The following ANKIB1 variants were observed in gnomAD, a reference collection of about 807,000 sequenced individuals.
ANKIB1 encodes the protein ankyrin repeat and IBR domain containing 1.
Under a neutral mutation model 122.1 loss-of-function variants are expected in ANKIB1, and 43 were observed. That is an observed-to-expected ratio of 0.35 (90% CI 0.28 to 0.45). ANKIB1 has a LOEUF of 0.45. Ranked by LOEUF, ANKIB1 falls within the 20% of genes least tolerant of loss-of-function variation. The probability of loss-of-function intolerance (pLI) is 1.00; values close to 1 mark genes in which losing one functional copy is unlikely to be tolerated. For missense variants in ANKIB1, 992 were observed against 1,329.5 expected (o/e 0.75, Z 3.95); for synonymous variants, 390 against 442.0 (o/e 0.88, Z 1.48).
intron 3 of ANKIB1, among the ~76,000 whole-genome samples, chr7:92,309,962 T>TATATATAAA (rs1030276754): frequency 7.2e-6 from 1 of 139,430 alleles, no homozygotes; most frequent in African/African-American, 2.7e-5. Context: ...TATATATATA[T>TATATATAAA]AAATTAAATG....
intron 3 of ANKIB1, among the ~76,000 whole-genome samples, chr7:92,313,879 A>G (rs1307637909): frequency 6.6e-6 from 1 of 152,170 alleles, no homozygotes; most frequent in Non-Finnish European, 1.5e-5. Context: ...ACATACGCAG[A>G]TTGAAGTATT....
intron 9 of ANKIB1, 78 bp downstream of exon 9, chr7:92,352,720 G>C (rs1803693675): frequency 1.4e-6 from 2 of 1,422,726 alleles, no homozygotes; most frequent in African/African-American, 1.4e-5. Context: ...CCTTGAGTCA[G>C]GCCTTTAAAT....
intron 1 of ANKIB1, among the ~76,000 whole-genome samples, chr7:92,253,728 A>G (rs1801379221): frequency 1.3e-5 from 2 of 151,718 alleles, no homozygotes; most frequent in South Asian, 4.2e-4. Flanking sequence ...CTTACATAGT[A>G]TTTCATTGTG....
chr7:92,358,582 T>TCC (rs1277797838), intron 9 of ANKIB1, among the ~76,000 whole-genome samples: 2 of 116,904 alleles, frequency 1.7e-5, no homozygotes. Context: ...TGGGCTTTGT[T>TCC]CCCCCATGAT....
At chr7:92,303,139 A>G (rs1025146233) in intron 2 of ANKIB1, among the ~76,000 whole-genome samples, 1 of 152,208 alleles carries the variant, frequency 6.6e-6, no homozygotes, top group Non-Finnish European at 1.5e-5. Flanking sequence ...ATAGGATGAT[A>G]GAGCATTAAG....
At chr7:92,381,610 T>G (rs1307004878) in intron 11 of ANKIB1, among the ~76,000 whole-genome samples, 4 of 152,138 alleles carry the variant, frequency 2.6e-5, no homozygotes, top group Non-Finnish European at 4.4e-5. Flanking sequence ...GAAAAGAATT[T>G]TCAACCCAGA....
At chr7:92,267,641 C>T (rs888997486) in intron 1 of ANKIB1, among the ~76,000 whole-genome samples, 1 of 152,158 alleles carries the variant, frequency 6.6e-6, no homozygotes, top group African/African-American at 2.4e-5. Flanking sequence ...TTTTACCTTT[C>T]ACATATACAT....
chr7:92,307,641 G>GAA lies in ANKIB1; in HGVS notation c.473_474dup (p.Ala159LysfsTer4). 1.9e-6 allele frequency: 3 copies of GAA among 1,595,146 alleles called. No individual in the cohort carries two copies. Among genetic ancestry groups the GAA allele is most frequent in the Non-Finnish European group, 2.6e-6 (3 of 1,172,298 alleles). On this transcript the variant is annotated frameshift_variant, in exon 3 of 20. Transcript: ENST00000265742. LOFTEE classifies it high-confidence loss of function. ...TGCACTATGCTGCTGCCTCAGGGAT[G>GAA]AAAGCCTGTGTAGAGGTAAATTTTT...
chr7:92,253,678 T>G (rs1801378171), intron 1 of ANKIB1, among the ~76,000 whole-genome samples: 1 of 152,260 alleles, frequency 6.6e-6, no homozygotes. Flanking sequence ...ACACCTTTTT[T>G]TTTTACTTAT....
chr7:92,390,122 A>G lies in ANKIB1; in HGVS notation c.2052+6A>G. On this transcript the variant is annotated splice_donor_region_variant and intron_variant, in intron 15 of 19. Transcript: ENST00000265742. ...AAATTTTTGAACTAATGCAAGTAAG[A>G]TTTTTTTAATTACATTTAAATGGCA... is the stretch of plus-strand genomic sequence containing the variant. 6.5e-7 allele frequency: 1 copy of G among 1,547,798 alleles called. No homozygotes were observed.
chr7:92,292,117 A>G (rs576439081), intron 1 of ANKIB1, among the ~76,000 whole-genome samples: 3 of 152,370 alleles, frequency 2.0e-5, no homozygotes, highest in African/African-American at 7.2e-5. Context: ...ACCTCAGGCA[A>G]TAATAGCTGT....
chr7:92,366,549 T>C (rs866599510), intron 10 of ANKIB1, among the ~76,000 whole-genome samples: 15 of 152,248 alleles, frequency 9.9e-5, no homozygotes, highest in African/African-American at 3.6e-4. Flanking sequence ...TTTAGGTTTA[T>C]ATAGTCCTTC....
chr7:92,353,070 T>A (rs942608064), intron 9 of ANKIB1, among the ~76,000 whole-genome samples: 8 of 152,190 alleles, frequency 5.3e-5, no homozygotes, highest in African/African-American at 1.9e-4. Context: ...TCATTAAAAA[T>A]ATAAGCCTCT....
chr7:92,355,120 T>A (rs1349967186), intron 9 of ANKIB1, among the ~76,000 whole-genome samples: 1 of 152,334 alleles, frequency 6.6e-6, no homozygotes, highest in East Asian at 1.9e-4. Context: ...CAAAGTTCCA[T>A]GCCCTTTGTA....
chr7:92,297,741 C>T (rs909852889), intron 2 of ANKIB1, among the ~76,000 whole-genome samples: 16 of 152,102 alleles, frequency 1.1e-4, no homozygotes, highest in Admixed American at 7.2e-4. Context: ...TTTCAGTGTT[C>T]TTTCTGTCTT....
intron 7 of ANKIB1, among the ~76,000 whole-genome samples, chr7:92,350,431 AGT>A (rs1452137618): frequency 3.3e-5 from 5 of 152,172 alleles, no homozygotes; most frequent in Non-Finnish European, 5.9e-5. Flanking sequence ...GAAACATACG[AGT>A]GTATGTATAT....
Position 92,397,729 on chromosome 7 carries a change from C to T in ANKIB1, c.2402C>T (p.Pro801Leu), listed in dbSNP as rs1044747071. Reference protein sequence around the residue: ...DEPSESTLDIPEGGSSSRRPG... With the variant: ...DEPSESTLDILEGGSSSRRPG... ...ACCAATTGCTTTGAAACAGATATTC[C>T]AGAAGGCGGCAGCAGCAGCCGCAGG... The change falls in exon 19 of 20, where the codon CCA (proline) becomes CTA (leucine). Residue 801 changes from proline (P) to leucine (L), a missense_variant. Physicochemically the swap from Pro to Leu is moderately conservative, Grantham distance 98. Around this residue, in one of 4 missense-constraint regions of ANKIB1, gnomAD observed 384 missense variants for 412.0 expected, o/e 0.93. Coordinates refer to ENST00000265742, the MANE Select transcript of ANKIB1 (RefSeq NM_019004.2). 3 of 1,610,870 alleles carry T rather than the reference C, an allele frequency of 1.9e-6. No homozygotes were observed. The highest frequency in any genetic ancestry group is 2.7e-5 in the African/African-American group (2 of 74,644).
At chr7:92,280,661 C>T (rs1326918601) in intron 1 of ANKIB1, among the ~76,000 whole-genome samples, 1 of 152,144 alleles carries the variant, frequency 6.6e-6, no homozygotes, top group Non-Finnish European at 1.5e-5. Flanking sequence ...GGATGTATCC[C>T]CCAACCCCCA....
intron 1 of ANKIB1, among the ~76,000 whole-genome samples, chr7:92,290,096 C>T (rs1349503981): frequency 6.6e-6 from 1 of 152,216 alleles, no homozygotes; most frequent in Non-Finnish European, 1.5e-5. Context: ...GAATTACAGG[C>T]GTAAGCCACT....
Sources: gnomAD v4.1 joint callset for allele counts (sites outside exome capture counted in the v4.1 genomes callset) on GRCh38, gnomAD v4.1.1 for gene constraint, gnomAD v4.1.1 regional missense constraint, MANE v1.5 for transcripts, NCBI Gene and HGNC (gene_info 2026-07-23, HGNC 2026-07-21) for gene names.